The following ZRSR2 variants were observed in gnomAD, a reference collection of about 807,000 sequenced individuals.
The protein encoded by ZRSR2 is U2 small nuclear ribonucleoprotein auxiliary factor 35 kDa subunit-related protein 2.
In ZRSR2, 3 loss-of-function variants were observed where a neutral mutation model predicts 39.4. The ratio of observed to expected loss-of-function variants is 0.08; its 90% confidence interval spans 0.03 to 0.20. ZRSR2 has a LOEUF of 0.20. ZRSR2 is among the 10% of genes least tolerant of loss of function. ZRSR2 has a pLI of 1.00. For missense variants in ZRSR2, 256 were observed against 391.5 expected, an observed-to-expected ratio of 0.65 and a Z score of 2.92; for synonymous variants, 137 against 136.0, an observed-to-expected ratio of 1.01 and a Z score of -0.05.
chrX:15,818,929 C>T (rs185674273), intron 9 of ZRSR2, among the ~76,000 whole-genome samples: 7 of 107,307 alleles, frequency 6.5e-5, no homozygotes, highest in Non-Finnish European at 1.2e-4. Flanking sequence ...TGCCACCATG[C>T]CCAGCTAATT....
At chrX:15,798,856 T>C (rs1223342972) in intron 2 of ZRSR2, among the ~76,000 whole-genome samples, 1 of 111,621 alleles carries the variant, frequency 9.0e-6, no homozygotes, top group East Asian at 2.8e-4. Flanking sequence ...TCACATCAGG[T>C]TGTTGCACTC....
chrX:15,801,723 A>G (rs1481332277), intron 3 of ZRSR2: 1 of 112,094 alleles, frequency 8.9e-6, no homozygotes, highest in African/African-American at 3.2e-5. Context: ...GTTATGATGA[A>G]GACAATAGAT....
chrX:15,809,326 A>T lies in ZRSR2; in HGVS notation c.557+8A>T, dbSNP rs113302354. ...TTGCAGATTTGGAGATAGGTAACTA[A>T]TTTTGTTTTATCATGTCAGAATGAA... On this transcript the variant is annotated splice_region_variant and intron_variant, in intron 7 of 10. Transcript: ENST00000307771. 6.2e-3 allele frequency: 7,125 copies of T among 1,141,290 alleles called. 240 individuals carry two copies. The African/African-American group carries it at 0.11, about 17-fold the overall frequency. 94.1% of individuals were successfully genotyped at this position (1,141,290 alleles called of 1,213,427 possible).
chrX:15,808,030 A>G (rs1339265576), intron 5 of ZRSR2, among the ~76,000 whole-genome samples: 2 of 81,139 alleles, frequency 2.5e-5, no homozygotes, highest in Non-Finnish European at 2.4e-5. Context: ...ACAGAGTGAG[A>G]CCCTGTCTCA....
At chrX:15,800,041 T>C (rs1215986331) in intron 3 of ZRSR2, 88 bp downstream of exon 3, 14 of 596,581 alleles carry the variant, frequency 2.3e-5, no homozygotes, top group Middle Eastern at 3.8e-4. Context: ...GTCTTCTGTA[T>C]AAAATCTTGT....
intron 2 of ZRSR2, among the ~76,000 whole-genome samples, chrX:15,793,461 T>C (rs189703015): frequency 8.9e-6 from 1 of 111,878 alleles, no homozygotes; most frequent in Non-Finnish European, 1.9e-5. Flanking sequence ...TCTCTGCACT[T>C]CTGCTCCTAC....
chrX:15,820,402 A>C (rs762734906), intron 10 of ZRSR2, 86 bp downstream of exon 10: 25 of 891,506 alleles, frequency 2.8e-5, no homozygotes, highest in Non-Finnish European at 3.6e-5. Flanking sequence ...AGTATTTTCA[A>C]GTGGTGAGGC....
chrX:15,801,482 C>T (rs1031096232), intron 3 of ZRSR2: 9 of 226,952 alleles, frequency 4.0e-5, no homozygotes, highest in Admixed American at 2.9e-4. Flanking sequence ...CTGCCCGCCT[C>T]GGCCTCACAA....
intron 2 of ZRSR2, among the ~76,000 whole-genome samples, chrX:15,794,305 G>A (rs1932377277): frequency 9.0e-6 from 1 of 110,787 alleles, no homozygotes; most frequent in South Asian, 3.8e-4. Flanking sequence ...CTTGAACAAT[G>A]TGGGAGTTAG....
chrX:15,804,763 A>G (rs1932763287), intron 5 of ZRSR2, among the ~76,000 whole-genome samples: 1 of 111,950 alleles, frequency 8.9e-6, no homozygotes, highest in South Asian at 3.7e-4. Flanking sequence ...TAAAGAAATC[A>G]GGAACTCAAA....
chrX:15,790,925 A>T lies in ZRSR2; in HGVS notation c.42-9A>T. 1 of 1,209,158 alleles carries T rather than the reference A, an allele frequency of 8.3e-7. No individual in the cohort carries two copies. Among genetic ancestry groups the T allele is most frequent in the Non-Finnish European group, 1.1e-6 (1 of 893,287 alleles). On this transcript the variant is annotated splice_polypyrimidine_tract_variant and intron_variant, in intron 1 of 10. Coordinates refer to ENST00000307771, the MANE Select transcript of ZRSR2 (RefSeq NM_005089.4). ...CGCTGATCGTCGTGTATATGTCTTAATCTTCCAGCCACAAAAAGTACAGGG... is the reference window on the plus strand; with the variant it reads ...CGCTGATCGTCGTGTATATGTCTTATTCTTCCAGCCACAAAAAGTACAGGG...
intron 7 of ZRSR2, among the ~76,000 whole-genome samples, chrX:15,811,984 C>T (rs1932891021): frequency 1.8e-5 from 2 of 111,588 alleles, no homozygotes; most frequent in African/African-American, 3.3e-5. Context: ...GGCTGGAGTG[C>T]AGTGGCACGA....
intron 5 of ZRSR2, 57 bp from the exon 6 acceptor site, chrX:15,808,176 A>G: frequency 9.4e-7 from 1 of 1,065,512 alleles, no homozygotes; most frequent in Non-Finnish European, 1.3e-6. Context: ...CAGAGAAACC[A>G]GATGTGACTT....
intron 7 of ZRSR2, among the ~76,000 whole-genome samples, chrX:15,812,208 C>G (rs890325696): frequency 1.8e-5 from 2 of 112,293 alleles, no homozygotes; most frequent in Non-Finnish European, 3.8e-5. Context: ...GGATTACAGG[C>G]GTGAGCCACC....
intron 9 of ZRSR2, 22 bp downstream of exon 9, chrX:15,818,664 G>A: frequency 8.6e-7 from 1 of 1,158,504 alleles, no homozygotes; most frequent in Non-Finnish European, 1.2e-6. Flanking sequence ...GCTTGTGGAT[G>A]TCTTCCTGAT....
chrX:15,811,432 C>A (rs2015878), intron 7 of ZRSR2, among the ~76,000 whole-genome samples: 10 of 90,712 alleles, frequency 1.1e-4, no homozygotes, highest in African/African-American at 4.2e-4. Flanking sequence ...CACCCCCCCC[C>A]CTTTTTTTTT....
intron 5 of ZRSR2, among the ~76,000 whole-genome samples, chrX:15,806,064 A>C (rs1932776685): frequency 8.9e-6 from 1 of 111,787 alleles, no homozygotes; most frequent in Non-Finnish European, 1.9e-5. Context: ...ACCTGAGTGG[A>C]GAGATCTCAG....
rs2015878 is a variant in ZRSR2, at chrX:15,811,432, C to T, written c.557+2114C>T. On this transcript the variant is annotated intron_variant, in intron 7 of 10. Coordinates refer to ENST00000307771, the MANE Select transcript of ZRSR2 (RefSeq NM_005089.4). The stretch of plus-strand genomic sequence containing the variant: ...CTGATTCTTGATTCTCACCCCCCCC[C>T]CTTTTTTTTTTGAGACGGAGTCTCG... Among the ~76,000 whole-genome samples, 744 of 90,676 alleles carry T rather than the reference C, an allele frequency of 8.2e-3. 27 individuals are homozygous for T. The highest frequency in any genetic ancestry group is 0.072 in the Admixed American group (618 of 8,590). 78.7% of individuals were successfully genotyped at this position (90,676 alleles called of 115,157 possible).
At chrX:15,813,451 A>G (rs1011783157) in intron 7 of ZRSR2, among the ~76,000 whole-genome samples, 1 of 112,224 alleles carries the variant, frequency 8.9e-6, no homozygotes. Context: ...ACAGCTTTAG[A>G]CTGCCTTCGT....
Sources: allele counts gnomAD v4.1 joint callset (sites outside exome capture counted in the v4.1 genomes callset), GRCh38; gene constraint gnomAD v4.1.1; transcripts MANE v1.5; gene names NCBI Gene and HGNC (gene_info 2026-07-23, HGNC 2026-07-21).